The following KITLG variants were observed in gnomAD, a reference collection of about 807,000 sequenced individuals.
The protein encoded by KITLG is KIT ligand.
Under a neutral mutation model 34.1 loss-of-function variants are expected in KITLG, and 13 were observed. That is an observed-to-expected ratio of 0.38 (90% confidence interval 0.25 to 0.61). The LOEUF is 0.61. Ranked by LOEUF, KITLG falls within the 20% of genes least tolerant of loss-of-function variation. The probability of loss-of-function intolerance (pLI) is 0.60; values close to 1 mark genes in which losing one functional copy is unlikely to be tolerated. For synonymous variants in KITLG, 110 were observed against 104.0 expected, an observed-to-expected ratio of 1.06 and a Z score of -0.35; for missense variants, 292 against 318.9, an observed-to-expected ratio of 0.92 and a Z score of 0.64.
chr12:88,525,176 A>G (rs904805154), intron 3 of KITLG, among the ~76,000 whole-genome samples: 4 of 152,200 alleles, frequency 2.6e-5, no homozygotes, highest in African/African-American at 9.7e-5. Flanking sequence ...GCACAAATAG[A>G]ATGAGGCGGA....
At chr12:88,524,593 TA>T (rs201993250) in intron 3 of KITLG, among the ~76,000 whole-genome samples, 2 of 152,236 alleles carry the variant, frequency 1.3e-5, no homozygotes, top group East Asian at 1.9e-4. Context: ...CGTTTTTATT[TA>T]TTTTTTTTTT....
intron 1 of KITLG, among the ~76,000 whole-genome samples, chr12:88,571,036 T>C (rs1397524408): frequency 1.3e-5 from 2 of 152,208 alleles, no homozygotes; most frequent in Non-Finnish European, 2.9e-5. Flanking sequence ...AGGGTGTTTA[T>C]GAGTGTCAAA....
chr12:88,512,920 A>G (rs552972708), intron 6 of KITLG, among the ~76,000 whole-genome samples: 1 of 152,048 alleles, frequency 6.6e-6, no homozygotes, highest in South Asian at 2.1e-4. Flanking sequence ...GAAGGAAATT[A>G]ATACCAAATG....
chr12:88,511,271 T>C (rs144075645), intron 6 of KITLG, among the ~76,000 whole-genome samples: 1 of 152,280 alleles, frequency 6.6e-6, no homozygotes, highest in African/African-American at 2.4e-5. Flanking sequence ...TAATTATAAT[T>C]CTAGACAAAT....
At chr12:88,566,160 T>C (rs934562170) in intron 1 of KITLG, among the ~76,000 whole-genome samples, 1 of 152,228 alleles carries the variant, frequency 6.6e-6, no homozygotes, top group East Asian at 1.9e-4. Context: ...AGGAAAATTC[T>C]GTTTGAACAA....
intron 1 of KITLG, among the ~76,000 whole-genome samples, chr12:88,552,775 C>T (rs536003794): frequency 6.6e-6 from 1 of 151,376 alleles, no homozygotes; most frequent in South Asian, 2.1e-4. Context: ...AAAAAAAAAA[C>T]GCTTTTGGAA....
intron 1 of KITLG, among the ~76,000 whole-genome samples, chr12:88,554,520 C>A (rs931894268): frequency 6.6e-6 from 1 of 152,184 alleles, no homozygotes; most frequent in African/African-American, 2.4e-5. Context: ...GCAGGCAGTT[C>A]CCTTGTAGCC....
intron 1 of KITLG, 30 bp from the exon 2 acceptor site, chr12:88,545,895 A>T (rs1037997684): frequency 7.6e-7 from 1 of 1,311,932 alleles, no homozygotes; most frequent in Non-Finnish European, 1.1e-6. Context: ...TTGCTTGGTG[A>T]TCATCAGTTA....
intron 4 of KITLG, among the ~76,000 whole-genome samples, chr12:88,517,717 A>G (rs779281815): frequency 1.3e-5 from 2 of 152,132 alleles, no homozygotes; most frequent in Non-Finnish European, 2.9e-5. Flanking sequence ...CTGACTTTGG[A>G]AATTAGAAAA....
chr12:88,507,004 A>G, intron 7 of KITLG, 24 bp downstream of exon 7: 1 of 1,229,430 alleles, frequency 8.1e-7, no homozygotes. Flanking sequence ...GCATATTTTT[A>G]AAAAAAGGAA....
intron 1 of KITLG, among the ~76,000 whole-genome samples, chr12:88,577,193 G>A (rs1871855613): frequency 6.6e-6 from 1 of 152,110 alleles, no homozygotes; most frequent in Non-Finnish European, 1.5e-5. Context: ...AAGTAAACTT[G>A]CATCATCACC....
At chr12:88,564,577 T>TGAA (rs1871386464) in intron 1 of KITLG, among the ~76,000 whole-genome samples, 2 of 152,226 alleles carry the variant, frequency 1.3e-5, no homozygotes, top group South Asian at 2.1e-4. Flanking sequence ...GCTCACCATT[T>TGAA]GTGTGTTATC....
At chr12:88,563,000 C>T (rs182152275) in intron 1 of KITLG, among the ~76,000 whole-genome samples, 91 of 152,322 alleles carry the variant, frequency 6.0e-4, no homozygotes, top group African/African-American at 2.1e-3. Context: ...AATGTAGACA[C>T]TGTCCTGCAG....
intron 2 of KITLG, among the ~76,000 whole-genome samples, chr12:88,542,199 T>C (rs539824802): frequency 3.6e-4 from 55 of 152,292 alleles, no homozygotes; most frequent in African/African-American, 1.3e-3. Flanking sequence ...TCTAATTTAG[T>C]AGTTCTTATC....
intron 3 of KITLG, among the ~76,000 whole-genome samples, chr12:88,522,755 G>A (rs757130493): frequency 2.6e-5 from 4 of 152,108 alleles, no homozygotes; most frequent in Non-Finnish European, 5.9e-5. Context: ...AGCAGTCACG[G>A]TAAGATTTAC....
chr12:88,552,140 C>A (rs1028660523), intron 1 of KITLG, among the ~76,000 whole-genome samples: 1 of 151,700 alleles, frequency 6.6e-6, no homozygotes, highest in African/African-American at 2.4e-5. Context: ...TGTAAGTGAG[C>A]CTTATTTTGA....
At chr12:88,504,518 A>C (rs987427130) in intron 9 of KITLG, among the ~76,000 whole-genome samples, 1 of 152,218 alleles carries the variant, frequency 6.6e-6, no homozygotes, top group Non-Finnish European at 1.5e-5. Context: ...AAAAATGCTC[A>C]TCATCACTGG....
intron 2 of KITLG, among the ~76,000 whole-genome samples, chr12:88,537,926 C>G (rs1299131284): frequency 1.3e-5 from 2 of 152,072 alleles, no homozygotes; most frequent in African/African-American, 2.4e-5. Context: ...GGAGACAGAC[C>G]ACTCAGGTTG....
At chr12:88,578,108 A>C (rs1370046629) in intron 1 of KITLG, among the ~76,000 whole-genome samples, 1 of 152,200 alleles carries the variant, frequency 6.6e-6, no homozygotes, top group Non-Finnish European at 1.5e-5. Context: ...GCAGCATTGC[A>C]CAGAAAATGT....
Sources: gnomAD v4.1 joint callset for allele counts (sites outside exome capture counted in the v4.1 genomes callset) on GRCh38, gnomAD v4.1.1 for gene constraint, MANE v1.5 for transcripts, NCBI Gene and HGNC (gene_info 2026-07-23, HGNC 2026-07-21) for gene names.